NCMAP: variants seen among roughly 807,000 people sequenced by gnomAD.
NCMAP encodes noncompact myelin-associated protein.
NCMAP carries 8 observed loss-of-function variants against 7.8 expected under a neutral mutation model. The observed-to-expected ratio is 1.02, with a 90% confidence interval of 0.60 to 1.84. The LOEUF (loss-of-function observed/expected upper bound fraction) is 1.84, where lower values mean the gene tolerates loss of function less well. Ranked by LOEUF, NCMAP falls within the 40% of genes most tolerant of loss-of-function variation. The pLI is 0.00. For synonymous variants in NCMAP, 41 were observed against 52.9 expected (o/e 0.78, Z 0.98); for missense variants, 112 against 131.4 (o/e 0.85, Z 0.72).
Position 24,606,910 on chromosome 1 carries a change from G to C in NCMAP, c.*1163G>C, listed in dbSNP as rs1018303158. 5 of 152,146 alleles carry C rather than the reference G, an allele frequency of 3.3e-5. No individual in the cohort carries two copies. The highest frequency in any genetic ancestry group is 1.2e-4 in the African/African-American group (5 of 41,428). The allele number at this position is 152,146 out of a possible 1,614,324, so 9.4% of individuals were successfully genotyped here. ...GGCACTATAACAAGTGAAGGACTTA[G>C]GAAAACATCTGGAGTATAGCGCCTG... On this transcript the variant is annotated 3_prime_UTR_variant, in exon 4 of 4. Coordinates refer to ENST00000374392, the MANE Select transcript of NCMAP (RefSeq NM_001010980.5).
intron 3 of NCMAP, 98 bp from the exon 4 acceptor site, chr1:24,605,508 T>C: frequency 7.3e-7 from 1 of 1,370,414 alleles, no homozygotes; most frequent in South Asian, 1.4e-5. Context: ...TCTACATTAA[T>C]CTACATTAAT....
chr1:24,575,909 C>G (rs1318242100), intron 1 of NCMAP, among the ~76,000 whole-genome samples: 1 of 99,764 alleles, frequency 1.0e-5, no homozygotes, highest in East Asian at 2.8e-4. Context: ...CGCACCATTG[C>G]ACTCTCAAAA....
chr1:24,580,832 G>A (rs1227111201), intron 1 of NCMAP, among the ~76,000 whole-genome samples: 1 of 152,152 alleles, frequency 6.6e-6, no homozygotes, highest in Non-Finnish European at 1.5e-5. Context: ...CCTGAGTCTG[G>A]GGGGCTTCTT....
At chr1:24,578,361 A>G (rs1008559617) in intron 1 of NCMAP, among the ~76,000 whole-genome samples, 2 of 151,072 alleles carry the variant, frequency 1.3e-5, no homozygotes, top group African/African-American at 4.9e-5. Flanking sequence ...AGAGAGGGCA[A>G]TGGACACAGG....
In NCMAP at chr1:24,607,928, G is replaced by T. The variant is rs529390628; in HGVS notation, c.*2181G>T. The T allele has an allele frequency of 6.6e-6, 1 of 152,284 alleles. No homozygotes were observed. Among genetic ancestry groups the T allele is most frequent in the Non-Finnish European group, 1.5e-5 (1 of 68,050 alleles). The allele number at this position is 152,284 out of a possible 1,614,324, so 9.4% of individuals were successfully genotyped here. The stretch of plus-strand genomic sequence containing the variant: ...AGGGAGGTAAGAGGTCTTACCCAGG[G>T]TCACACAGCTCATGATATCCCACTG... On this transcript the variant is annotated 3_prime_UTR_variant, in exon 4 of 4. Transcript: ENST00000374392.
intron 1 of NCMAP, among the ~76,000 whole-genome samples, chr1:24,577,419 T>G (rs1277518293): frequency 6.8e-6 from 1 of 146,680 alleles, no homozygotes; most frequent in South Asian, 2.2e-4. Flanking sequence ...TTTTTTTTTT[T>G]TTTTTTTTTT....
chr1:24,605,704 C>A lies in NCMAP; in HGVS notation c.266C>A (p.Thr89Asn). ...AGCAACGGCAGCCAACACCCAGCAACTGTGACCTTCAGTCCTGTTGACGTC... is the reference window on the plus strand; with the variant it reads ...AGCAACGGCAGCCAACACCCAGCAAATGTGACCTTCAGTCCTGTTGACGTC... Reference protein sequence around the residue: ...PNSNGSQHPATVTFSPVDVQV... With the variant: ...PNSNGSQHPANVTFSPVDVQV... The change falls in exon 4 of 4, where the codon ACT (threonine) becomes AAT (asparagine). Residue 89 changes from threonine (T) to asparagine (N), a missense_variant. By Grantham distance (65) the Thr-to-Asn change is moderately conservative. Coordinates refer to ENST00000374392, the MANE Select transcript of NCMAP (RefSeq NM_001010980.5). 6.2e-7 allele frequency: 1 copy of A among 1,614,222 alleles called. No homozygotes were observed. Among genetic ancestry groups the A allele is most frequent in the Non-Finnish European group, 8.5e-7 (1 of 1,180,052 alleles).
chr1:24,595,815 T>TTTTTG (rs1652206375), intron 2 of NCMAP, among the ~76,000 whole-genome samples: 1 of 124,740 alleles, frequency 8.0e-6, no homozygotes, highest in African/African-American at 3.4e-5. Context: ...TTTTTTTTTT[T>TTTTTG]GAGATGGAGC....
intron 1 of NCMAP, among the ~76,000 whole-genome samples, chr1:24,558,999 A>C (rs1410575363): frequency 6.6e-6 from 1 of 152,196 alleles, no homozygotes; most frequent in Non-Finnish European, 1.5e-5. Context: ...GAAAAGAAAG[A>C]CCCCAAATTA....
intron 1 of NCMAP, among the ~76,000 whole-genome samples, chr1:24,581,149 G>A (rs973515538): frequency 9.3e-5 from 14 of 150,274 alleles, no homozygotes; most frequent in Non-Finnish European, 1.8e-4. Context: ...ACGAGGTCTC[G>A]CTGCGATGCC....
At chr1:24,594,343 G>A (rs142936906) in intron 1 of NCMAP, among the ~76,000 whole-genome samples, 1,666 of 152,100 alleles carry the variant, frequency 0.011, 10 homozygotes, top group Middle Eastern at 0.024. Context: ...ATTCTTAGTG[G>A]CCTCAGGGTA....
At chr1:24,582,648 C>A (rs143404575) in intron 1 of NCMAP, among the ~76,000 whole-genome samples, 204 of 152,284 alleles carry the variant, frequency 1.3e-3, no homozygotes, top group Non-Finnish European at 2.6e-3. Flanking sequence ...GAAATGAATT[C>A]TCCCCTAGAG....
rs185552132 is a variant in NCMAP at position 24,586,693 on chromosome 1, C to T, written c.-7-8731C>T. On this transcript the variant is annotated intron_variant, in intron 1 of 3. Coordinates refer to ENST00000374392, the MANE Select transcript of NCMAP (RefSeq NM_001010980.5). ...AGAAGAATCACTTGAACCCGGGAAA[C>T]GGAGGTTGCAGTGAGCTGAGATCGT... Among the ~76,000 whole-genome samples the T allele has an allele frequency of 3.1e-4, 46 of 147,076 alleles. No homozygotes were observed. In the East Asian group the frequency reaches 4.6e-3, roughly 15 times the overall value.
intron 1 of NCMAP, among the ~76,000 whole-genome samples, chr1:24,560,805 C>A (rs1209228161): frequency 6.6e-6 from 1 of 151,862 alleles, no homozygotes; most frequent in East Asian, 1.9e-4. Context: ...AATCCCATGA[C>A]CCTCATGGGG....
intron 1 of NCMAP, among the ~76,000 whole-genome samples, chr1:24,556,880 A>C (rs1650912176): frequency 6.6e-6 from 1 of 152,082 alleles, no homozygotes; most frequent in Non-Finnish European, 1.5e-5. Context: ...GGGCAGGGAA[A>C]GGAAAGGTGG....
chr1:24,585,181 A>C (rs978504820), intron 1 of NCMAP, among the ~76,000 whole-genome samples: 1 of 152,084 alleles, frequency 6.6e-6, no homozygotes, highest in Admixed American at 6.5e-5. Context: ...CCATGAACAG[A>C]CAGGGCAGAC....
intron 1 of NCMAP, among the ~76,000 whole-genome samples, chr1:24,587,555 C>T (rs1651917702): frequency 6.6e-6 from 1 of 152,120 alleles, no homozygotes; most frequent in Non-Finnish European, 1.5e-5. Context: ...ACTCTGTCAC[C>T]CAGGCTGGAG....
intron 1 of NCMAP, among the ~76,000 whole-genome samples, chr1:24,595,082 C>T (rs1448111304): frequency 6.6e-6 from 1 of 152,136 alleles, no homozygotes; most frequent in Non-Finnish European, 1.5e-5. Flanking sequence ...CAACTTGGGA[C>T]TCCAGGTAGC....
At position 24,572,238 on chromosome 1, in the gene NCMAP, G is replaced by A. The variant is rs546244967; in HGVS notation, c.-8+16069G>A. On this transcript the variant is annotated intron_variant, in intron 1 of 3. Transcript: ENST00000374392. ...GGCTTTTCTATCCTCTCCACCTTAGGGTGGATGGATCACACTGAGGGCGTT... is the reference window on the plus strand; with the variant it reads ...GGCTTTTCTATCCTCTCCACCTTAGAGTGGATGGATCACACTGAGGGCGTT... Among the ~76,000 whole-genome samples, 68 of 150,864 alleles carry A rather than the reference G, an allele frequency of 4.5e-4. 4 individuals carry two copies. Among genetic ancestry groups the A allele is most frequent in the African/African-American group, 1.6e-3 (66 of 40,180 alleles).
Sources: allele counts gnomAD v4.1 joint callset (sites outside exome capture counted in the v4.1 genomes callset), GRCh38; gene constraint gnomAD v4.1.1; transcripts MANE v1.5; gene names NCBI Gene and HGNC (gene_info 2026-07-23, HGNC 2026-07-21).